The following DZIP3 variants were observed in gnomAD, a reference collection of about 807,000 sequenced individuals.
DZIP3 encodes E3 ubiquitin-protein ligase DZIP3.
In DZIP3, 118 loss-of-function variants were observed where a neutral mutation model predicts 162.0. That is an observed-to-expected ratio of 0.73 (90% CI 0.63 to 0.85). The LOEUF is 0.85. Ranked by LOEUF, DZIP3 falls within the 40% of genes least tolerant of loss-of-function variation. The pLI is 0.00. For synonymous variants in DZIP3, 438 were observed against 458.6 expected, an observed-to-expected ratio of 0.96 and a Z score of 0.57; for missense variants, 1,331 against 1,407.0, an observed-to-expected ratio of 0.95 and a Z score of 0.86.
Position 108,636,600 on chromosome 3 carries a change from C to A in DZIP3, c.919-16C>A. On this transcript the variant is annotated splice_polypyrimidine_tract_variant and intron_variant, in intron 10 of 32. Coordinates refer to ENST00000361582, the MANE Select transcript of DZIP3 (RefSeq NM_014648.4). ...GATTTTTTTCTATTTTTATTTTTTT[C>A]TATTAATAAATTTAGAGTTTTAGTG... The A allele has an allele frequency of 3.4e-6, 5 of 1,478,744 alleles. No homozygotes were observed. Among genetic ancestry groups the A allele is most frequent in the Non-Finnish European group, 4.5e-6 (5 of 1,102,036 alleles). 91.6% of individuals were successfully genotyped at this position (1,478,744 alleles called of 1,614,324 possible).
chr3:108,590,285 A>G (rs559270395), intron 1 of DZIP3, among the ~76,000 whole-genome samples: 1 of 152,336 alleles, frequency 6.6e-6, no homozygotes, highest in Non-Finnish European at 1.5e-5. Flanking sequence ...ACGTCGAATA[A>G]AGCTTTAAAA....
intron 23 of DZIP3, 57 bp from the exon 24 acceptor site, chr3:108,674,021 A>G (rs1944013477): frequency 3.2e-6 from 4 of 1,269,114 alleles, no homozygotes; most frequent in Non-Finnish European, 2.3e-6. Context: ...TTGAGAAGAG[A>G]ATGTTCCTTT....
In DZIP3 at chr3:108,690,772, CT is replaced by C. The variant is rs755606262; in HGVS notation, c.3517-10del. 8.1e-6 allele frequency: 13 copies of C among 1,611,424 alleles called. No homozygotes were observed. In the Admixed American group the frequency reaches 1.3e-4, roughly 17 times the overall value. ...CTACATCTGAGAGACTGACATAAAT[CT>C]TTTTGCTCCTTAGTGCATTAGACCA... On this transcript the variant is annotated splice_polypyrimidine_tract_variant and intron_variant, in intron 31 of 32. Coordinates refer to ENST00000361582, the MANE Select transcript of DZIP3 (RefSeq NM_014648.4).
At chr3:108,633,143 T>C in intron 9 of DZIP3, 71 bp downstream of exon 9, 2 of 686,508 alleles carry the variant, frequency 2.9e-6, no homozygotes, top group Non-Finnish European at 3.9e-6. Context: ...TATAAAATAA[T>C]AAAAATTATA....
intron 19 of DZIP3, among the ~76,000 whole-genome samples, chr3:108,654,645 A>G (rs903228729): frequency 1.3e-5 from 2 of 152,194 alleles, no homozygotes; most frequent in African/African-American, 4.8e-5. Context: ...ATTACATGTC[A>G]TGAGAAAAAT....
chr3:108,679,845 A>G (rs1160485947), intron 26 of DZIP3, among the ~76,000 whole-genome samples: 2 of 152,130 alleles, frequency 1.3e-5, no homozygotes, highest in Non-Finnish European at 2.9e-5. Flanking sequence ...CTTCCATAGT[A>G]GAGACTTCTA....
At chr3:108,681,047 C>T (rs575677217) in intron 26 of DZIP3, among the ~76,000 whole-genome samples, 1 of 152,278 alleles carries the variant, frequency 6.6e-6, no homozygotes, top group East Asian at 1.9e-4. Flanking sequence ...TGGGCAAAGA[C>T]TTCATGACTA....
In DZIP3 at chr3:108,686,483, A is replaced by T; in HGVS notation, c.3048A>T (p.Gly1016=). ...GIAWALPAPV[G]DAVPPSAGLR... The stretch of plus-strand genomic sequence containing the variant: ...CCTGGGCTCTGCCAGCGCCTGTGGG[A>T]GACGCTGTGCCTCCCAGTGCAGGTC... The change falls in exon 28 of 33, where the codon GGA becomes GGT. Residue 1016 remains glycine (G), a synonymous_variant. Coordinates refer to ENST00000361582, the MANE Select transcript of DZIP3 (RefSeq NM_014648.4). The T allele has an allele frequency of 6.2e-7, 1 of 1,611,202 alleles. No homozygotes were observed. The highest frequency in any genetic ancestry group is 1.3e-5 in the African/African-American group (1 of 74,886).
chr3:108,644,026 C>A, intron 13 of DZIP3, 138 bp from the exon 14 acceptor site: 1 of 1,038,950 alleles, frequency 9.6e-7, no homozygotes, highest in Non-Finnish European at 1.3e-6. Context: ...TGAGCACTGG[C>A]TGTGGCAAAG....
At chr3:108,624,549 T>A (rs1941509205) in intron 6 of DZIP3, 25 bp downstream of exon 6, 2 of 1,334,456 alleles carry the variant, frequency 1.5e-6, no homozygotes, top group Non-Finnish European at 2.1e-6. Context: ...ATTTGCCCTT[T>A]ATAAATCTTT....
At chr3:108,657,532 A>G (rs1379481010) in intron 19 of DZIP3, among the ~76,000 whole-genome samples, 3 of 152,204 alleles carry the variant, frequency 2.0e-5, no homozygotes, top group African/African-American at 4.8e-5. Context: ...CAACTGCAAA[A>G]ACATGCCAAA....
intron 1 of DZIP3, among the ~76,000 whole-genome samples, chr3:108,598,770 A>G (rs1208702054): frequency 1.3e-5 from 2 of 152,192 alleles, no homozygotes; most frequent in East Asian, 3.9e-4. Context: ...AAATTGCTGA[A>G]AATATTCCAC....
chr3:108,592,683 C>T (rs1576331735), intron 1 of DZIP3, among the ~76,000 whole-genome samples: 1 of 117,166 alleles, frequency 8.5e-6, no homozygotes, highest in South Asian at 2.6e-4. Context: ...GCAATGTGGG[C>T]AACAGGAGGG....
chr3:108,604,690 T>G (rs534717762), intron 1 of DZIP3, among the ~76,000 whole-genome samples: 1 of 152,226 alleles, frequency 6.6e-6, no homozygotes, highest in East Asian at 1.9e-4. Flanking sequence ...GAATCATGAT[T>G]TGGGGAAAAA....
At chr3:108,630,564 A>G (rs1941786493) in intron 8 of DZIP3, among the ~76,000 whole-genome samples, 1 of 152,108 alleles carries the variant, frequency 6.6e-6, no homozygotes, top group African/African-American at 2.4e-5. Flanking sequence ...AGCTTTTGGC[A>G]TTGTCAAGGT....
intron 25 of DZIP3, among the ~76,000 whole-genome samples, chr3:108,677,191 C>T (rs1944141404): frequency 6.6e-6 from 1 of 151,820 alleles, no homozygotes. Flanking sequence ...TTATTTGTAT[C>T]AGTGGTTCCT....
At position 108,686,436 on chromosome 3, in the gene DZIP3, C is replaced by T. The variant is rs754922576; in HGVS notation, c.3010-9C>T. On this transcript the variant is annotated splice_polypyrimidine_tract_variant and intron_variant, in intron 27 of 32. Coordinates refer to ENST00000361582, the MANE Select transcript of DZIP3 (RefSeq NM_014648.4). The stretch of plus-strand genomic sequence containing the variant: ...AACCTGCTGGGCTATAGCTCTCTGC[C>T]TCTTACAGATGACTGGCATAGCCTG... The T allele has an allele frequency of 1.3e-6, 2 of 1,564,586 alleles. No homozygotes were observed. Among genetic ancestry groups the T allele is most frequent in the South Asian group, 1.2e-5 (1 of 82,940 alleles).
At chr3:108,633,817 A>G (rs1942003162) in intron 9 of DZIP3, among the ~76,000 whole-genome samples, 1 of 101,878 alleles carries the variant, frequency 9.8e-6, no homozygotes, top group Admixed American at 9.2e-5. Flanking sequence ...CTCTGGATCT[A>G]TCAGAGTACT....
At chr3:108,692,206 T>C (rs1036269727) in intron 32 of DZIP3, among the ~76,000 whole-genome samples, 7 of 151,770 alleles carry the variant, frequency 4.6e-5, no homozygotes, top group African/African-American at 1.7e-4. Context: ...TGTGAATTGA[T>C]AGAAATATAT....
Sources: allele counts gnomAD v4.1 joint callset (sites outside exome capture counted in the v4.1 genomes callset), GRCh38; gene constraint gnomAD v4.1.1; transcripts MANE v1.5; gene names NCBI Gene and HGNC (gene_info 2026-07-23, HGNC 2026-07-21).